Variants in PDGFD observed in about 807,000 individuals in gnomAD.
The protein encoded by PDGFD is platelet derived growth factor D.
PDGFD carries 30 observed loss-of-function variants against 44.7 expected under a neutral mutation model. The ratio of observed to expected loss-of-function variants is 0.67; its 90% CI spans 0.50 to 0.91. PDGFD has a LOEUF of 0.91. Among genes scored for constraint, PDGFD ranks in the 40% least tolerant of loss-of-function variants. The pLI, the probability that PDGFD is intolerant of heterozygous loss-of-function variation, is 0.00. For missense variants in PDGFD, 445 were observed against 457.8 expected, an observed-to-expected ratio of 0.97 and a Z score of 0.25; for synonymous variants, 173 against 168.4, an observed-to-expected ratio of 1.03 and a Z score of -0.21.
rs371026076 is a variant in PDGFD at position 104,050,105 on chromosome 11, G to A, written c.125-49850C>T. Among the ~76,000 whole-genome samples, 8 of 152,212 alleles carry A rather than the reference G, an allele frequency of 5.3e-5. 1 individual carries two copies. Among genetic ancestry groups the A allele is most frequent in the African/African-American group, 1.9e-4 (8 of 41,534 alleles). On this transcript the variant is annotated intron_variant, in intron 1 of 6. Transcript: ENST00000393158. ...TTATACGTTATATGTCCAGTGGGAG[G>A]GAGAGTCTGAAAAAGCAAGAGAGAA...
chr11:103,977,143 A>G (rs1215380357), intron 3 of PDGFD, among the ~76,000 whole-genome samples: 1 of 152,156 alleles, frequency 6.6e-6, no homozygotes, highest in Non-Finnish European at 1.5e-5. Flanking sequence ...TAAACCAGGA[A>G]GAAGTCAAAT....
chr11:104,005,670 A>G (rs993730704), intron 1 of PDGFD, among the ~76,000 whole-genome samples: 1 of 152,102 alleles, frequency 6.6e-6, no homozygotes, highest in African/African-American at 2.4e-5. Context: ...CCTCACAACA[A>G]CCCCATGCCA....
At chr11:103,928,142 C>T (rs1440421195) in intron 5 of PDGFD, among the ~76,000 whole-genome samples, 3 of 152,214 alleles carry the variant, frequency 2.0e-5, no homozygotes, top group East Asian at 1.9e-4. Context: ...GAATTCAATT[C>T]GCATTATTGT....
chr11:104,152,916 A>G (rs900207002), intron 1 of PDGFD, among the ~76,000 whole-genome samples: 1 of 152,178 alleles, frequency 6.6e-6, no homozygotes, highest in Non-Finnish European at 1.5e-5. Context: ...ATGCACCCAT[A>G]ATCATAAATG....
At chr11:104,090,648 A>G (rs1861199964) in intron 1 of PDGFD, among the ~76,000 whole-genome samples, 1 of 151,690 alleles carries the variant, frequency 6.6e-6, no homozygotes, top group Non-Finnish European at 1.5e-5. Context: ...AAAAAAATGT[A>G]CAGCAGAACA....
intron 3 of PDGFD, among the ~76,000 whole-genome samples, chr11:103,990,646 C>A (rs542602350): frequency 6.6e-6 from 1 of 152,248 alleles, no homozygotes; most frequent in East Asian, 1.9e-4. Flanking sequence ...GCAGCTCTTG[C>A]AGCTCTGAAA....
intron 1 of PDGFD, among the ~76,000 whole-genome samples, chr11:104,028,191 G>GAAA (rs36060540): frequency 8.6e-6 from 1 of 116,152 alleles, no homozygotes; most frequent in South Asian, 2.7e-4. Flanking sequence ...CTCCGTCAAA[G>GAAA]AAAAAAAAAA....
intron 3 of PDGFD, among the ~76,000 whole-genome samples, chr11:103,986,027 T>C (rs1859358181): frequency 6.6e-6 from 1 of 152,204 alleles, no homozygotes; most frequent in South Asian, 2.1e-4. Context: ...AATTTTCAAT[T>C]GCAAAATAAG....
At chr11:104,075,671 C>T (rs1030884540) in intron 1 of PDGFD, among the ~76,000 whole-genome samples, 1 of 151,832 alleles carries the variant, frequency 6.6e-6, no homozygotes, top group Non-Finnish European at 1.5e-5. Context: ...ATTTTTATAC[C>T]TTAATAACCT....
intron 1 of PDGFD, among the ~76,000 whole-genome samples, chr11:104,129,114 A>G (rs1310908407): frequency 6.6e-6 from 1 of 152,196 alleles, no homozygotes; most frequent in African/African-American, 2.4e-5. Flanking sequence ...TAAGAGACAC[A>G]GCAAATTGTA....
intron 5 of PDGFD, among the ~76,000 whole-genome samples, chr11:103,941,277 C>T (rs1195227755): frequency 6.6e-6 from 1 of 151,958 alleles, no homozygotes. Context: ...AGTGGAGAAC[C>T]ATAGGAGGTG....
intron 6 of PDGFD, among the ~76,000 whole-genome samples, chr11:103,918,520 C>G (rs577065708): frequency 6.6e-6 from 1 of 152,128 alleles, no homozygotes. Flanking sequence ...TCTCATTTGA[C>G]GGCAAACAAA....
chr11:104,147,644 T>C (rs1445668212), intron 1 of PDGFD, among the ~76,000 whole-genome samples: 1 of 152,208 alleles, frequency 6.6e-6, no homozygotes, highest in Non-Finnish European at 1.5e-5. Context: ...TAAAAAGTCA[T>C]GCTCCAAATA....
Position 104,076,749 on chromosome 11 carries a change from T to C in PDGFD, c.125-76494A>G, listed in dbSNP as rs141632639. On this transcript the variant is annotated intron_variant, in intron 1 of 6. Transcript: ENST00000393158. ...TGAAGTACACCAGTCCACTTACACA[T>C]GGATTTTCTCTGTCTCTGCCACCCT... Among the ~76,000 whole-genome samples the C allele has an allele frequency of 3.4e-4, 52 of 152,282 alleles. No individual in the cohort carries two copies. In the East Asian group the frequency reaches 9.9e-3, roughly 29 times the overall value.
At chr11:104,103,414 A>G (rs1286461900) in intron 1 of PDGFD, among the ~76,000 whole-genome samples, 1 of 149,476 alleles carries the variant, frequency 6.7e-6, no homozygotes, top group Non-Finnish European at 1.5e-5. Flanking sequence ...TCCCCTTCTC[A>G]ATGAGCAAAA....
chr11:103,977,311 A>G (rs1419508631), intron 3 of PDGFD, among the ~76,000 whole-genome samples: 1 of 152,130 alleles, frequency 6.6e-6, no homozygotes, highest in African/African-American at 2.4e-5. Flanking sequence ...CAAACAATTG[A>G]AAAAGAGGGA....
intron 1 of PDGFD, among the ~76,000 whole-genome samples, chr11:104,149,508 A>G (rs1315811761): frequency 6.6e-6 from 1 of 152,212 alleles, no homozygotes; most frequent in African/African-American, 2.4e-5. Context: ...TGGTAGGTTA[A>G]GTCAAGGAAT....
At chr11:104,060,830 T>G (rs1460286956) in intron 1 of PDGFD, among the ~76,000 whole-genome samples, 1 of 152,242 alleles carries the variant, frequency 6.6e-6, no homozygotes, top group Non-Finnish European at 1.5e-5. Flanking sequence ...CACTATTATT[T>G]TTAAAAAACT....
rs536473460 is a variant in PDGFD, at chr11:104,090,249, T to C, written c.124+73555A>G. 6.6e-5 allele frequency among the ~76,000 whole-genome samples: 10 copies of C among 152,282 alleles called. No homozygotes were observed. In the East Asian group the frequency reaches 1.9e-3, roughly 29 times the overall value. ...TTCCAATTTTAACATTTGGATTTGT[T>C]TATTCCAAGCCTATACAAAACTTCC... On this transcript the variant is annotated intron_variant, in intron 1 of 6. Coordinates refer to ENST00000393158, the MANE Select transcript of PDGFD (RefSeq NM_025208.5).
Sources: gnomAD v4.1 joint callset for allele counts (sites outside exome capture counted in the v4.1 genomes callset) on GRCh38, gnomAD v4.1.1 for gene constraint, MANE v1.5 for transcripts, NCBI Gene and HGNC (gene_info 2026-07-23, HGNC 2026-07-21) for gene names.